The following C3orf52 variants were observed in gnomAD, a reference collection of about 807,000 sequenced individuals.
C3orf52 encodes the protein chromosome 3 open reading frame 52, also known as TPA-induced transmembrane protein.
A neutral mutation model predicts 24.8 loss-of-function variants in C3orf52; 22 were observed. The ratio of observed to expected loss-of-function variants is 0.89; its 90% CI spans 0.63 to 1.27. The LOEUF (loss-of-function observed/expected upper bound fraction) is 1.27, where lower values mean the gene tolerates loss of function less well. C3orf52 is among the 50% of genes most tolerant of loss of function. The probability of loss-of-function intolerance (pLI) is 0.00; values close to 1 mark genes in which losing one functional copy is unlikely to be tolerated. For synonymous variants in C3orf52, 93 were observed against 100.2 expected, an observed-to-expected ratio of 0.93 and a Z score of 0.43; for missense variants, 265 against 260.7, an observed-to-expected ratio of 1.02 and a Z score of -0.11.
intron 1 of C3orf52, among the ~76,000 whole-genome samples, chr3:112,089,985 C>A (rs760022857): frequency 6.6e-6 from 1 of 152,202 alleles, no homozygotes; most frequent in Non-Finnish European, 1.5e-5. Context: ...GCAAATATCT[C>A]CGGAAGGCAC....
At chr3:112,087,731 GTGGCCACAACTGTGAACTGGCTGTA>G (rs2073842570) in intron 1 of C3orf52, among the ~76,000 whole-genome samples, 1 of 152,236 alleles carries the variant, frequency 6.6e-6, no homozygotes, top group South Asian at 2.1e-4. Context: ...ACCAGTGCAA[GTGGCCACAACTGTGAACTGGCTGTA>G]TGAGTCCTCC....
chr3:112,127,478 A>T (rs2074354163), intron 4 of C3orf52, among the ~76,000 whole-genome samples: 1 of 152,240 alleles, frequency 6.6e-6, no homozygotes, highest in Admixed American at 6.5e-5. Flanking sequence ...GACTCCCTGA[A>T]AAAATGTGAT....
chr3:112,133,187 A>G, downstream of C3orf52: 1 of 1,561,032 alleles, frequency 6.4e-7, no homozygotes. Context: ...GTGCTCTGAC[A>G]GGGCAACTCC....
At chr3:112,096,648 C>T (rs1208232730) in intron 2 of C3orf52, among the ~76,000 whole-genome samples, 1 of 152,112 alleles carries the variant, frequency 6.6e-6, no homozygotes, top group East Asian at 1.9e-4. Flanking sequence ...TAAAATGGGA[C>T]AGTGAAAGCA....
intron 3 of C3orf52, among the ~76,000 whole-genome samples, chr3:112,106,293 A>G (rs772910664): frequency 1.1e-4 from 17 of 151,458 alleles, no homozygotes; most frequent in Admixed American, 2.6e-4. Flanking sequence ...AGTTTTCACT[A>G]TATTGCCTAG....
chr3:112,102,439 G>T (rs960859528), intron 2 of C3orf52, among the ~76,000 whole-genome samples: 4 of 152,038 alleles, frequency 2.6e-5, no homozygotes, highest in African/African-American at 9.7e-5. Flanking sequence ...AACAATTCCT[G>T]CACACCCTGG....
chr3:112,102,955 T>C lies in C3orf52; in HGVS notation c.386T>C (p.Leu129Pro), dbSNP rs771640919. ...CVAEEELPHL[L>P]TERLTDVYST... is the part of the protein sequence containing the mutation. Reference sequence around the variant, plus strand: ...GCTGAAGAGGAATTGCCTCACCTGCTCACCGAAAGGGTAATTCCATCTTAT... The same window carrying C: ...GCTGAAGAGGAATTGCCTCACCTGCCCACCGAAAGGGTAATTCCATCTTAT... Residue 129 changes from leucine (L) to proline (P), a missense_variant, in exon 3 of 6, where the codon CTC (leucine) becomes CCC (proline). By Grantham distance (98) the Leu-to-Pro change is moderately conservative. Transcript: ENST00000264848. 1.9e-6 allele frequency: 3 copies of C among 1,612,382 alleles called. No homozygotes were observed. The highest frequency in any genetic ancestry group is 1.1e-5 in the South Asian group (1 of 90,444).
intron 4 of C3orf52, among the ~76,000 whole-genome samples, chr3:112,126,503 C>T (rs960609933): frequency 5.9e-5 from 9 of 152,260 alleles, no homozygotes; most frequent in East Asian, 3.9e-4. Context: ...TCTGCTCTTC[C>T]GGCTCCTTGC....
At chr3:112,119,685 C>T (rs2074170602), downstream of C3orf52, 2 of 583,766 alleles carry the variant, frequency 3.4e-6, no homozygotes, top group Non-Finnish European at 6.1e-6. Context: ...TCTCCTCTCC[C>T]ATCACTCTTT....
downstream of C3orf52, chr3:112,123,198 C>G (rs376594034): frequency 8.8e-6 from 5 of 567,180 alleles, no homozygotes; most frequent in Middle Eastern, 5.0e-4. Flanking sequence ...CCTCCTACCA[C>G]TATACTCTCC....
chr3:112,133,303 G>A (rs549531893), downstream of C3orf52: 11 of 645,144 alleles, frequency 1.7e-5, no homozygotes, highest in South Asian at 2.1e-4. Flanking sequence ...AGGAGTGTTA[G>A]AGGCACGCAT....
downstream of C3orf52, among the ~76,000 whole-genome samples, chr3:112,120,105 G>T (rs956272327): frequency 6.6e-6 from 1 of 152,324 alleles, no homozygotes; most frequent in South Asian, 2.1e-4. Context: ...ACCTCTCAAG[G>T]CTTCACCAAG....
chr3:112,090,030 G>A (rs1037096235), intron 1 of C3orf52, among the ~76,000 whole-genome samples: 7 of 152,268 alleles, frequency 4.6e-5, no homozygotes, highest in Admixed American at 3.9e-4. Flanking sequence ...CTCTCCTCAC[G>A]ATCTAGAATT....
chr3:112,127,061 T>C, intron 4 of C3orf52: 1 of 1,452,644 alleles, frequency 6.9e-7, no homozygotes. Context: ...AGCAAATTGT[T>C]TTAATATTCA....
chr3:112,100,857 A>G (rs536196698), intron 2 of C3orf52, among the ~76,000 whole-genome samples: 1 of 152,334 alleles, frequency 6.6e-6, no homozygotes, highest in East Asian at 1.9e-4. Flanking sequence ...TATGTTTACA[A>G]CAGAACAATC....
Position 112,117,033 on chromosome 3 carries a change from T to C in C3orf52, c.*387T>C. 1 of 1,039,138 alleles carries C rather than the reference T, an allele frequency of 9.6e-7. No homozygotes were observed. 64.4% of individuals were successfully genotyped at this position (1,039,138 alleles called of 1,614,324 possible). A position where few individuals can be genotyped will look rare whatever the true frequency, so the allele number is the denominator to read the frequency against. On this transcript the variant is annotated 3_prime_UTR_variant, in exon 6 of 6. Coordinates refer to ENST00000264848, the MANE Select transcript of C3orf52 (RefSeq NM_024616.3). ...GGTGGCGTGATCATGGCACTGCTAT[T>C]CTTGAAGCACTCCACCCACCTGGGC... is the stretch of plus-strand genomic sequence containing the variant.
chr3:112,110,867 G>A (rs2074073853), intron 4 of C3orf52, among the ~76,000 whole-genome samples: 2 of 152,204 alleles, frequency 1.3e-5, no homozygotes, highest in Non-Finnish European at 2.9e-5. Context: ...AAACAGACCT[G>A]AAGTCTACAG....
chr3:112,132,654 A>G (rs2074485144), downstream of C3orf52: 1 of 987,330 alleles, frequency 1.0e-6, no homozygotes, highest in Non-Finnish European at 1.2e-6. Flanking sequence ...CAGGGAGTGC[A>G]CATCAAAGGA....
At chr3:112,112,731 A>G (rs377264536) in intron 4 of C3orf52, 89 of 521,140 alleles carry the variant, frequency 1.7e-4, no homozygotes, top group African/African-American at 1.5e-3. Flanking sequence ...GTGGATTCCT[A>G]GAGGATAGGT....
Sources: gnomAD v4.1 joint callset for allele counts (sites outside exome capture counted in the v4.1 genomes callset) on GRCh38, gnomAD v4.1.1 for gene constraint, MANE v1.5 for transcripts, NCBI Gene and HGNC (gene_info 2026-07-23, HGNC 2026-07-21) for gene names.